The following C12orf42 variants were observed in gnomAD, a reference collection of about 807,000 sequenced individuals.
C12orf42 encodes chromosome 12 open reading frame 42, also known as uncharacterized protein C12orf42.
A neutral mutation model predicts 21.6 loss-of-function variants in C12orf42; 25 were observed. That is an observed-to-expected ratio of 1.16 (90% CI 0.84 to 1.62). The LOEUF is 1.62. Among genes scored for constraint, C12orf42 ranks in the 40% most tolerant of loss-of-function variants. C12orf42 has a pLI of 0.00. For synonymous variants in C12orf42, 174 were observed against 175.0 expected (o/e 0.99, Z 0.05); for missense variants, 483 against 459.3 (o/e 1.05, Z -0.47).
the C12orf42 span, among the ~76,000 whole-genome samples, chr12:103,199,540 A>G: frequency 6.6e-6 from 1 of 152,206 alleles, no homozygotes; most frequent in African/African-American, 2.4e-5. Flanking sequence ...AGAATGGGGG[A>G]AAATATTTGT....
chr12:103,312,010 A>G (rs1358618174), intron 4 of C12orf42, among the ~76,000 whole-genome samples: 1 of 152,222 alleles, frequency 6.6e-6, no homozygotes, highest in Non-Finnish European at 1.5e-5. Context: ...GTATCTTTCT[A>G]TCGATGGTCC....
At chr12:103,537,613 G>A in the C12orf42 span, among the ~76,000 whole-genome samples, 6 of 152,192 alleles carry the variant, frequency 3.9e-5, no homozygotes, top group Non-Finnish European at 5.9e-5. Flanking sequence ...AAAGGGGAGC[G>A]CTACCATCTT....
At chr12:103,527,011 G>A in the C12orf42 span, among the ~76,000 whole-genome samples, 1 of 152,094 alleles carries the variant, frequency 6.6e-6, no homozygotes, top group Non-Finnish European at 1.5e-5. Context: ...TTCAACAGCA[G>A]CTACTTTTCT....
chr12:103,512,310 G>A, the C12orf42 span, among the ~76,000 whole-genome samples: 1 of 152,128 alleles, frequency 6.6e-6, no homozygotes, highest in African/African-American at 2.4e-5. Flanking sequence ...TGAAGGGTGT[G>A]TGGGTGGGTG....
chr12:103,513,852 TA>T, the C12orf42 span, among the ~76,000 whole-genome samples: 39 of 143,008 alleles, frequency 2.7e-4, no homozygotes, highest in Non-Finnish European at 2.8e-4. Context: ...TGAGGAAAAC[TA>T]AAAAAAAAAA....
intron 3 of C12orf42, 40 bp from the exon 4 acceptor site, chr12:103,369,038 G>A: frequency 9.1e-7 from 1 of 1,102,086 alleles, no homozygotes; most frequent in Non-Finnish European, 1.3e-6. Flanking sequence ...AAAAAATTAG[G>A]TCAATGGCTC....
At chr12:103,186,768 C>A in the C12orf42 span, among the ~76,000 whole-genome samples, 1 of 152,002 alleles carries the variant, frequency 6.6e-6, no homozygotes, top group Admixed American at 6.6e-5. Context: ...GCCTTGGGCT[C>A]CAGAATTATC....
chr12:103,445,899 T>G (rs1432396223), intron 2 of C12orf42, among the ~76,000 whole-genome samples: 2 of 152,040 alleles, frequency 1.3e-5, no homozygotes, highest in Non-Finnish European at 2.9e-5. Context: ...TTAAGTCTCT[T>G]ATTGCTCTTG....
the C12orf42 span, among the ~76,000 whole-genome samples, chr12:103,515,798 T>C: frequency 1.2e-4 from 18 of 152,236 alleles, no homozygotes; most frequent in Non-Finnish European, 1.6e-4. Context: ...TTTTACATGA[T>C]GGTTTATACA....
the C12orf42 span, among the ~76,000 whole-genome samples, chr12:103,210,565 A>G: frequency 6.8e-6 from 1 of 147,050 alleles, no homozygotes; most frequent in Admixed American, 6.8e-5. Flanking sequence ...TTTATGGGCT[A>G]TATTGCATTT....
chr12:103,332,628 A>C (rs1180544372), intron 4 of C12orf42, among the ~76,000 whole-genome samples: 1 of 152,256 alleles, frequency 6.6e-6, no homozygotes. Context: ...GATTGTGTCT[A>C]GATTGTCTGC....
the C12orf42 span, among the ~76,000 whole-genome samples, chr12:103,056,653 CCTGT>C: frequency 6.6e-6 from 1 of 152,022 alleles, no homozygotes; most frequent in African/African-American, 2.4e-5. Context: ...GTTTGTTTAT[CCTGT>C]CTGTTCTGAT....
intron 1 of C12orf42, among the ~76,000 whole-genome samples, chr12:103,487,741 G>A (rs1231843787): frequency 1.3e-5 from 2 of 152,036 alleles, no homozygotes; most frequent in Non-Finnish European, 2.9e-5. Flanking sequence ...ATCTTTGTTG[G>A]TTTAAAGTCT....
At chr12:103,458,967 G>A (rs12308341) in intron 2 of C12orf42, among the ~76,000 whole-genome samples, 28,882 of 151,450 alleles carry the variant, frequency 0.19, 3,272 homozygotes, top group East Asian at 0.35. Flanking sequence ...AAAAAAAAAC[G>A]TATTAGGGGA....
chr12:103,290,576 AAC>A (rs761719812), intron 4 of C12orf42, among the ~76,000 whole-genome samples: 7 of 152,192 alleles, frequency 4.6e-5, no homozygotes, highest in Non-Finnish European at 8.8e-5. Context: ...GGAAGGAACT[AAC>A]ACACAATACT....
chr12:103,215,034 G>A, the C12orf42 span, among the ~76,000 whole-genome samples: 2,366 of 152,212 alleles, frequency 0.016, 30 homozygotes, highest in Non-Finnish European at 0.025. Context: ...CTCTGCAGTG[G>A]CAGTTCATTT....
intron 3 of C12orf42, among the ~76,000 whole-genome samples, chr12:103,375,334 A>G (rs1030431301): frequency 4.6e-5 from 7 of 152,222 alleles, no homozygotes; most frequent in Admixed American, 2.0e-4. Context: ...TAAAATTTAC[A>G]TTTCAGAATA....
downstream of C12orf42, among the ~76,000 whole-genome samples, chr12:103,234,232 A>G (rs1267592364): frequency 6.6e-6 from 1 of 152,140 alleles, no homozygotes; most frequent in East Asian, 1.9e-4. Context: ...TTTATTCTTT[A>G]TGATATATGA....
the C12orf42 span, among the ~76,000 whole-genome samples, chr12:103,051,073 T>TAA: frequency 6.6e-6 from 1 of 152,138 alleles, no homozygotes; most frequent in Non-Finnish European, 1.5e-5. Context: ...AAGATAAAAC[T>TAA]AAAAGTGTTC....
Sources: allele counts gnomAD v4.1 joint callset (sites outside exome capture counted in the v4.1 genomes callset), GRCh38; gene constraint gnomAD v4.1.1; transcripts MANE v1.5; gene names NCBI Gene and HGNC (gene_info 2026-07-23, HGNC 2026-07-21).